The following CDH22 variants were observed in gnomAD, a reference collection of about 807,000 sequenced individuals.
CDH22 encodes cadherin 22, also known as cadherin-22.
Under a neutral mutation model 58.4 loss-of-function variants are expected in CDH22, and 30 were observed. That is an observed-to-expected ratio of 0.51 (90% CI 0.38 to 0.70). CDH22 has a LOEUF of 0.70. CDH22 is among the 30% of genes least tolerant of loss of function. CDH22 has a pLI of 0.00. For missense variants in CDH22, 1,014 were observed against 1,233.9 expected (o/e 0.82, Z 2.67); for synonymous variants, 513 against 558.2 (o/e 0.92, Z 1.14).
In CDH22 at chr20:46,175,188, C is replaced by T. The variant is rs1032106436; in HGVS notation, c.1916-111G>A. 4 of 1,004,798 alleles carry T rather than the reference C, an allele frequency of 4.0e-6. No individual in the cohort carries two copies. The African/African-American group carries it at 6.8e-5, about 17-fold the overall frequency. 62.2% of individuals were successfully genotyped at this position (1,004,798 alleles called of 1,614,324 possible). ...CCACCCAGCAGAGCGGGCCCAGCCT[C>T]AACATTCCTACAGATTTCCTGGATT... On this transcript the variant is annotated intron_variant, in intron 11 of 11. Transcript: ENST00000537909.
chr20:46,278,304 T>A (rs1296504768), intron 1 of CDH22, among the ~76,000 whole-genome samples: 1 of 152,218 alleles, frequency 6.6e-6, no homozygotes, highest in Non-Finnish European at 1.5e-5. Flanking sequence ...AGCCTCTTGG[T>A]TCTGTGCATC....
intron 4 of CDH22, among the ~76,000 whole-genome samples, chr20:46,223,735 T>TTC (rs1451652316): frequency 6.7e-6 from 1 of 149,514 alleles, no homozygotes; most frequent in South Asian, 2.1e-4. Flanking sequence ...TTCTCTTTCT[T>TTC]TCTTTCTCTT....
intron 4 of CDH22, among the ~76,000 whole-genome samples, chr20:46,226,475 T>G (rs3091779): frequency 1 from 151,712 of 151,712 alleles, 75,856 homozygotes; most frequent in Non-Finnish European, 1. Context: ...TAGAGATGGG[T>G]TCTCTCTGTG....
intron 1 of CDH22, among the ~76,000 whole-genome samples, chr20:46,279,992 G>C (rs1302193143): frequency 6.6e-6 from 1 of 152,108 alleles, no homozygotes; most frequent in Non-Finnish European, 1.5e-5. Context: ...CTATTGAGGA[G>C]GAAACCGGGG....
chr20:46,211,540 C>T (rs939275877), intron 6 of CDH22, among the ~76,000 whole-genome samples: 3 of 152,180 alleles, frequency 2.0e-5, no homozygotes, highest in Non-Finnish European at 2.9e-5. Flanking sequence ...GAGCCATCAC[C>T]GACTCCGCAG....
chr20:46,198,396 C>T (rs538493561), intron 8 of CDH22, among the ~76,000 whole-genome samples: 7 of 152,010 alleles, frequency 4.6e-5, no homozygotes, highest in South Asian at 2.1e-4. Flanking sequence ...CATCTCTCCC[C>T]GGGACATCAG....
At chr20:46,279,604 A>G (rs1420671685) in intron 1 of CDH22, among the ~76,000 whole-genome samples, 1 of 152,202 alleles carries the variant, frequency 6.6e-6, no homozygotes, top group Non-Finnish European at 1.5e-5. Context: ...GTGGGTACAT[A>G]TAATGTATGC....
chr20:46,277,367 G>T (rs1442210891), intron 1 of CDH22, among the ~76,000 whole-genome samples: 1 of 152,232 alleles, frequency 6.6e-6, no homozygotes, highest in Admixed American at 6.5e-5. Context: ...CGCTGTCACA[G>T]CCTCCCTTGT....
At chr20:46,294,849 G>A (rs550966478) in intron 1 of CDH22, among the ~76,000 whole-genome samples, 1 of 152,320 alleles carries the variant, frequency 6.6e-6, no homozygotes, top group East Asian at 1.9e-4. Context: ...AATTCTTCAA[G>A]GGCAAGAACA....
chr20:46,241,980 C>A lies in CDH22; in HGVS notation c.256-723G>T, dbSNP rs144614265. On this transcript the variant is annotated intron_variant, in intron 2 of 11. Coordinates refer to ENST00000537909, the MANE Select transcript of CDH22 (RefSeq NM_021248.3). The surrounding 1 kb of genome is among the most constrained non-coding windows in gnomAD (Gnocchi z 5.2). The stretch of plus-strand genomic sequence containing the variant: ...AATTACAGGTCCACTGCTCCCTAGA[C>A]TCTGCACCCCAGGAGATTGGGGTGG... 2.3e-3 allele frequency among the ~76,000 whole-genome samples: 349 copies of A among 152,286 alleles called. 1 individual carries two copies. Among genetic ancestry groups the A allele is most frequent in the African/African-American group, 8.1e-3 (337 of 41,560 alleles).
intron 7 of CDH22, among the ~76,000 whole-genome samples, chr20:46,202,707 T>TC (rs1418342588): frequency 6.6e-6 from 1 of 152,128 alleles, no homozygotes; most frequent in African/African-American, 2.4e-5. Flanking sequence ...ACCAGCCAAA[T>TC]CCTCGATGCA....
intron 7 of CDH22, among the ~76,000 whole-genome samples, chr20:46,200,869 G>C (rs1174438732): frequency 1.3e-5 from 2 of 152,198 alleles, no homozygotes; most frequent in African/African-American, 4.8e-5. Flanking sequence ...TCTGGGGGCC[G>C]CGGCGTGGAC....
At chr20:46,215,162 CTG>C (rs1263048188) in intron 5 of CDH22, among the ~76,000 whole-genome samples, 1 of 152,224 alleles carries the variant, frequency 6.6e-6, no homozygotes, top group Non-Finnish European at 1.5e-5. Flanking sequence ...TTTCACTCCT[CTG>C]TATCCATAGA....
chr20:46,267,699 T>A (rs1370614488), intron 1 of CDH22, among the ~76,000 whole-genome samples: 1 of 152,250 alleles, frequency 6.6e-6, no homozygotes, highest in Non-Finnish European at 1.5e-5. Context: ...TGACCTTGCA[T>A]GATTTTCTTC....
chr20:46,182,310 C>T (rs2085795129), intron 10 of CDH22, among the ~76,000 whole-genome samples: 2 of 152,124 alleles, frequency 1.3e-5, no homozygotes, highest in Non-Finnish European at 2.9e-5. Flanking sequence ...CCTTGCTGGG[C>T]CTGTGTTCTA....
In CDH22 at chr20:46,193,517, C is replaced by G. The variant is rs377200317; in HGVS notation, c.1423+5906G>C. Reference sequence around the variant, plus strand: ...CATGAACCCGAGGGAACACTGGGGACCAAACATCTGATCACGCCACTCTTC... The same window carrying G: ...CATGAACCCGAGGGAACACTGGGGAGCAAACATCTGATCACGCCACTCTTC... On this transcript the variant is annotated intron_variant, in intron 8 of 11. Transcript: ENST00000537909. 2.6e-5 allele frequency among the ~76,000 whole-genome samples: 4 copies of G among 152,262 alleles called. No individual in the cohort carries two copies. The East Asian group carries it at 7.7e-4, about 29-fold the overall frequency.
At chr20:46,271,614 G>T (rs1010149340) in intron 1 of CDH22, among the ~76,000 whole-genome samples, 8 of 151,978 alleles carry the variant, frequency 5.3e-5, no homozygotes, top group East Asian at 1.9e-4. Context: ...GCTTACTAAG[G>T]TCACCTTGAC....
At position 46,215,076 on chromosome 20, in the gene CDH22, T is replaced by G. The variant is rs956775208; in HGVS notation, c.838+1750A>C. Among the ~76,000 whole-genome samples the G allele has an allele frequency of 8.5e-5, 13 of 152,350 alleles. No individual in the cohort carries two copies. The South Asian group carries it at 2.7e-3, about 32-fold the overall frequency. On this transcript the variant is annotated intron_variant, in intron 5 of 11. Coordinates refer to ENST00000537909, the MANE Select transcript of CDH22 (RefSeq NM_021248.3). ...GTGAGGATGTGGTACAATGGACATG[T>G]GCGTTTCCTCATGGGGGAAAACAGT...
In CDH22 at chr20:46,241,050, T is replaced by C. The variant is rs2086285889; in HGVS notation, c.463A>G (p.Ile155Val). ...NRLLEPESEF[I>V]IKVQDINDSE... Reference sequence around the variant, plus strand: ...TCATTGATGTCCTGCACCTTGATGATGAACTCCGACTCGGGCTCCAGTAGG... The same window carrying C: ...TCATTGATGTCCTGCACCTTGATGACGAACTCCGACTCGGGCTCCAGTAGG... Residue 155 changes from isoleucine to valine, a missense_variant, in exon 3 of 12, where the codon ATC becomes GTC. Physicochemically the swap from Ile to Val is conservative, Grantham distance 29. Coordinates refer to ENST00000537909, the MANE Select transcript of CDH22 (RefSeq NM_021248.3). The surrounding 1 kb of genome is among the most constrained non-coding windows in gnomAD (Gnocchi z 5.2). 6.2e-7 allele frequency: 1 copy of C among 1,614,054 alleles called. No homozygotes were observed. The highest frequency in any genetic ancestry group is 8.5e-7 in the Non-Finnish European group (1 of 1,180,040).
Sources: gnomAD v4.1 joint callset for allele counts (sites outside exome capture counted in the v4.1 genomes callset) on GRCh38, gnomAD v4.1.1 for gene constraint, Gnocchi (gnomAD v3.1) non-coding constraint, MANE v1.5 for transcripts, NCBI Gene and HGNC (gene_info 2026-07-23, HGNC 2026-07-21) for gene names.